Variants in OR51C1 observed in about 807,000 individuals in gnomAD.
The protein encoded by OR51C1 is olfactory receptor OR51C1.
chr11:4,697,391 T>C, the OR51C1 span, among the ~76,000 whole-genome samples: 419 of 152,364 alleles, frequency 2.7e-3, 2 homozygotes, highest in African/African-American at 9.6e-3. Context: ...TGAGATTCAC[T>C]GACTGTGATA....
the OR51C1 span, among the ~76,000 whole-genome samples, chr11:4,694,575 T>TATATACACACAC: frequency 4.1e-5 from 6 of 147,872 alleles, no homozygotes; most frequent in Admixed American, 6.8e-5. Context: ...CATATATATA[T>TATATACACACAC]ACACACACAC....
the OR51C1 span, among the ~76,000 whole-genome samples, chr11:4,693,198 A>G: frequency 6.6e-6 from 1 of 152,220 alleles, no homozygotes; most frequent in Non-Finnish European, 1.5e-5. Context: ...ATGTATAACA[A>G]CATCACATTT....
At chr11:4,694,432 C>A in the OR51C1 span, among the ~76,000 whole-genome samples, 1 of 151,584 alleles carries the variant, frequency 6.6e-6, no homozygotes, top group Non-Finnish European at 1.5e-5. Flanking sequence ...TAGCTCCTAT[C>A]AACCAGAAAC....
the OR51C1 span, among the ~76,000 whole-genome samples, chr11:4,696,470 G>A: frequency 2.0e-5 from 3 of 152,234 alleles, no homozygotes; most frequent in Admixed American, 6.5e-5. Flanking sequence ...TGAGAACCTC[G>A]GGAGGTCTAT....
chr11:4,691,274 T>G, the OR51C1 span: 1 of 457,128 alleles, frequency 2.2e-6, no homozygotes, highest in South Asian at 1.5e-5. Flanking sequence ...CAATTTGAGC[T>G]ATTCTGGAGT....
the OR51C1 span, among the ~76,000 whole-genome samples, chr11:4,694,384 G>A: frequency 1.3e-5 from 2 of 151,770 alleles, no homozygotes; most frequent in Admixed American, 1.3e-4. Context: ...CAGAGACAGA[G>A]GGTACCTTAT....
the OR51C1 span, among the ~76,000 whole-genome samples, chr11:4,697,492 T>A: frequency 2.0e-5 from 3 of 152,212 alleles, no homozygotes; most frequent in Non-Finnish European, 4.4e-5. Flanking sequence ...TCTACGTATT[T>A]CCTGGGAATA....
chr11:4,693,478 T>A, the OR51C1 span, among the ~76,000 whole-genome samples: 4 of 152,134 alleles, frequency 2.6e-5, no homozygotes, highest in Admixed American at 2.6e-4. Context: ...TCCCAGCACT[T>A]TGGGAGGCCG....
At chr11:4,690,680 G>C in the OR51C1 span, 8 of 329,714 alleles carry the variant, frequency 2.4e-5, no homozygotes, top group Non-Finnish European at 4.1e-5. Context: ...TTCTTTGGTT[G>C]TTTTTTGTTT....
chr11:4,693,755 C>A, the OR51C1 span, among the ~76,000 whole-genome samples: 1 of 152,024 alleles, frequency 6.6e-6, no homozygotes. Context: ...AACTGTTGAG[C>A]AACAGTGCAC....
the OR51C1 span, among the ~76,000 whole-genome samples, chr11:4,696,738 A>G: frequency 6.6e-6 from 1 of 152,058 alleles, no homozygotes; most frequent in Non-Finnish European, 1.5e-5. Context: ...TCTCTCAACT[A>G]ATTTTTCTGC....
At chr11:4,693,591 G>T in the OR51C1 span, among the ~76,000 whole-genome samples, 1 of 152,074 alleles carries the variant, frequency 6.6e-6, no homozygotes, top group Non-Finnish European at 1.5e-5. Context: ...CGTGGTGGCG[G>T]GCGCCTGTAG....
the OR51C1 span, among the ~76,000 whole-genome samples, chr11:4,691,878 G>A: frequency 1.3e-5 from 2 of 152,192 alleles, no homozygotes; most frequent in Non-Finnish European, 2.9e-5. Context: ...TTCAACTGCT[G>A]TAGTGGGCAC....
chr11:4,691,055 G>A, the OR51C1 span: 1 of 456,730 alleles, frequency 2.2e-6, no homozygotes, highest in East Asian at 6.9e-5. Context: ...AAGAAAGGAG[G>A]ATGAGAAGTA....
the OR51C1 span, among the ~76,000 whole-genome samples, chr11:4,696,624 C>A: frequency 6.6e-6 from 1 of 152,118 alleles, no homozygotes; most frequent in Non-Finnish European, 1.5e-5. Flanking sequence ...CACTAAATTT[C>A]CCCCAAGCTT....
the OR51C1 span, among the ~76,000 whole-genome samples, chr11:4,695,301 A>G: frequency 6.6e-6 from 1 of 152,158 alleles, no homozygotes; most frequent in Non-Finnish European, 1.5e-5. Flanking sequence ...CCTCTTTAGT[A>G]TCTTGTTTAG....
At chr11:4,694,575 TACAC>T in the OR51C1 span, among the ~76,000 whole-genome samples, 124 of 147,892 alleles carry the variant, frequency 8.4e-4, no homozygotes, top group Middle Eastern at 0.011. Flanking sequence ...CATATATATA[TACAC>T]ACACACACAC....
chr11:4,690,920 G>A, the OR51C1 span: 1 of 455,986 alleles, frequency 2.2e-6, no homozygotes, highest in Non-Finnish European at 4.4e-6. Context: ...TGTGAACAAT[G>A]GACAGACTGA....
chr11:4,691,310 G>C, the OR51C1 span: 117 of 457,428 alleles, frequency 2.6e-4, no homozygotes, highest in Admixed American at 4.7e-4. Context: ...CATACCTAAG[G>C]GGATTAGAGA....
Sources: allele counts gnomAD v4.1 joint callset (sites outside exome capture counted in the v4.1 genomes callset), GRCh38; gene constraint gnomAD v4.1.1; transcripts MANE v1.5; gene names NCBI Gene and HGNC (gene_info 2026-07-23, HGNC 2026-07-21).